Variants in RSRC1 observed in about 807,000 individuals in gnomAD.
RSRC1 encodes the protein arginine and serine rich coiled-coil 1, also known as serine/Arginine-related protein 53.
A neutral mutation model predicts 49.1 loss-of-function variants in RSRC1; 39 were observed. That is an observed-to-expected ratio of 0.79 (90% CI 0.61 to 1.04). The LOEUF is 1.04. Ranked by LOEUF, RSRC1 falls within the 50% of genes least tolerant of loss-of-function variation. RSRC1 has a pLI of 0.00. For missense variants in RSRC1, 388 were observed against 402.4 expected (o/e 0.96, Z 0.31); for synonymous variants, 143 against 130.8 (o/e 1.09, Z -0.63).
At chr3:158,475,259 T>C (rs1223970818) in intron 7 of RSRC1, among the ~76,000 whole-genome samples, 1 of 152,058 alleles carries the variant, frequency 6.6e-6, no homozygotes, top group East Asian at 1.9e-4. Flanking sequence ...AACAAGTATT[T>C]ATTGAGCCAC....
chr3:158,475,745 T>C (rs746381108), intron 7 of RSRC1, among the ~76,000 whole-genome samples: 30 of 146,282 alleles, frequency 2.1e-4, no homozygotes, highest in Middle Eastern at 3.3e-3. Context: ...TCTCTCTCTC[T>C]CCCTGGCCTG....
chr3:158,477,155 G>A (rs1022746735), intron 7 of RSRC1, among the ~76,000 whole-genome samples: 2 of 152,152 alleles, frequency 1.3e-5, no homozygotes, highest in African/African-American at 4.8e-5. Context: ...GTGGTTCCTT[G>A]AGATGGAATC....
intron 7 of RSRC1, among the ~76,000 whole-genome samples, chr3:158,463,276 T>C (rs1292850907): frequency 6.6e-6 from 1 of 152,082 alleles, no homozygotes; most frequent in Non-Finnish European, 1.5e-5. Flanking sequence ...AGATTCTTTG[T>C]TGTTGTTTGC....
chr3:158,330,561 A>G (rs547857879), intron 5 of RSRC1, among the ~76,000 whole-genome samples: 14 of 152,278 alleles, frequency 9.2e-5, no homozygotes, highest in African/African-American at 1.7e-4. Context: ...TAGGTACACT[A>G]TATCTCATTA....
At chr3:158,267,333 T>A (rs961860471) in intron 4 of RSRC1, among the ~76,000 whole-genome samples, 1 of 152,192 alleles carries the variant, frequency 6.6e-6, no homozygotes, top group Admixed American at 6.5e-5. Context: ...TTTGTTCATG[T>A]TTAGCCAAAC....
At chr3:158,204,362 G>A (rs1413101606) in intron 4 of RSRC1, among the ~76,000 whole-genome samples, 1 of 152,082 alleles carries the variant, frequency 6.6e-6, no homozygotes, top group Non-Finnish European at 1.5e-5. Context: ...ATATTATTAT[G>A]TGACTTTTGT....
intron 4 of RSRC1, among the ~76,000 whole-genome samples, chr3:158,223,318 G>A (rs1722327321): frequency 6.6e-6 from 1 of 151,614 alleles, no homozygotes; most frequent in South Asian, 2.1e-4. Context: ...GACTCTGTAG[G>A]TTAGGTTCAG....
At chr3:158,226,062 C>T (rs1431857041) in intron 4 of RSRC1, among the ~76,000 whole-genome samples, 1 of 151,772 alleles carries the variant, frequency 6.6e-6, no homozygotes, top group African/African-American at 2.4e-5. Context: ...GGGAGGGTCC[C>T]CATTGCGCTA....
chr3:158,176,262 A>G (rs1559930090), intron 3 of RSRC1, among the ~76,000 whole-genome samples: 1 of 152,214 alleles, frequency 6.6e-6, no homozygotes, highest in African/African-American at 2.4e-5. Context: ...ATCCCCATCA[A>G]GTTACCAATG....
chr3:158,122,316 T>C lies in RSRC1; in HGVS notation c.194+18T>C, dbSNP rs1312440130. 1 of 1,483,594 alleles carries C rather than the reference T, an allele frequency of 6.7e-7. No homozygotes were observed. The highest frequency in any genetic ancestry group is 2.4e-5 in the East Asian group (1 of 41,132). 91.9% of individuals were successfully genotyped at this position (1,483,594 alleles called of 1,614,324 possible). On this transcript the variant is annotated intron_variant, in intron 2 of 9. Coordinates refer to ENST00000611884, the MANE Select transcript of RSRC1 (RefSeq NM_001271838.2). ...GATAGAAGGTGATTTTTGTAATTTT[T>C]ATTTATATAGTAATGAGGATAACAT... is the stretch of plus-strand genomic sequence containing the variant.
intron 6 of RSRC1, among the ~76,000 whole-genome samples, chr3:158,369,006 T>A (rs1159399380): frequency 5.9e-5 from 9 of 152,092 alleles, no homozygotes; most frequent in Admixed American, 5.9e-4. Flanking sequence ...AAGTAAAAAT[T>A]CTAGTTTAGT....
At chr3:158,253,046 A>ATT (rs34546279) in intron 4 of RSRC1, among the ~76,000 whole-genome samples, 20 of 151,142 alleles carry the variant, frequency 1.3e-4, no homozygotes, top group South Asian at 2.1e-4. Flanking sequence ...TCTTTCATTG[A>ATT]TTTTTTTTGG....
At chr3:158,444,882 A>T (rs1420697711) in intron 6 of RSRC1, among the ~76,000 whole-genome samples, 2 of 152,214 alleles carry the variant, frequency 1.3e-5, no homozygotes, top group African/African-American at 4.8e-5. Flanking sequence ...ACATTTATGC[A>T]GCCAAAAGAC....
intron 7 of RSRC1, among the ~76,000 whole-genome samples, chr3:158,470,990 G>C (rs566610397): frequency 6.6e-6 from 1 of 152,202 alleles, no homozygotes; most frequent in Non-Finnish European, 1.5e-5. Flanking sequence ...GGAAAACCAA[G>C]CACAGGCTAA....
chr3:158,267,906 G>A (rs1725291537), intron 4 of RSRC1, among the ~76,000 whole-genome samples: 2 of 125,340 alleles, frequency 1.6e-5, no homozygotes, highest in Admixed American at 9.4e-5. Context: ...AGCCACTCTG[G>A]ATTCAGCTGT....
chr3:158,540,993 T>C (rs145213360), intron 8 of RSRC1, among the ~76,000 whole-genome samples: 12 of 152,314 alleles, frequency 7.9e-5, no homozygotes, highest in African/African-American at 2.6e-4. Context: ...GAGGGCACTT[T>C]CCTGCTGTGG....
rs1254612055 is a variant in RSRC1, at chr3:158,409,898, C to T, written c.584-51037C>T. On this transcript the variant is annotated intron_variant, in intron 6 of 9. Transcript: ENST00000611884. ...TGAACCCTTCAATGGCTTCCATCTG[C>T]CCATAGGATACAATTTCAGAATTCT... Among the ~76,000 whole-genome samples, 6 of 150,884 alleles carry T rather than the reference C, an allele frequency of 4.0e-5. No homozygotes were observed. In the East Asian group the frequency reaches 9.7e-4, roughly 24 times the overall value.
intron 6 of RSRC1, among the ~76,000 whole-genome samples, chr3:158,417,903 A>G (rs1734833437): frequency 6.6e-6 from 1 of 151,920 alleles, no homozygotes; most frequent in South Asian, 2.1e-4. Context: ...GAAAAATAAA[A>G]CAAAATTCAC....
At chr3:158,372,327 A>T (rs139157382) in intron 6 of RSRC1, among the ~76,000 whole-genome samples, 4 of 151,898 alleles carry the variant, frequency 2.6e-5, no homozygotes, top group African/African-American at 9.7e-5. Context: ...ATTAATGTTT[A>T]TATATGATGA....
Sources: allele counts gnomAD v4.1 joint callset (sites outside exome capture counted in the v4.1 genomes callset), GRCh38; gene constraint gnomAD v4.1.1; transcripts MANE v1.5; gene names NCBI Gene and HGNC (gene_info 2026-07-23, HGNC 2026-07-21).